The following CRADD variants were observed in gnomAD, a reference collection of about 807,000 sequenced individuals.
CRADD encodes the protein death domain-containing protein CRADD.
A neutral mutation model predicts 15.5 loss-of-function variants in CRADD; 9 were observed. The ratio of observed to expected loss-of-function variants is 0.58; its 90% CI spans 0.35 to 1.01. The LOEUF (loss-of-function observed/expected upper bound fraction) is 1.01, where lower values mean the gene tolerates loss of function less well. Among genes scored for constraint, CRADD ranks in the 50% least tolerant of loss-of-function variants. The pLI is 0.02. For synonymous variants in CRADD, 118 were observed against 107.6 expected, an observed-to-expected ratio of 1.10 and a Z score of -0.60; for missense variants, 227 against 250.3, an observed-to-expected ratio of 0.91 and a Z score of 0.63.
chr12:93,875,279 C>A (rs1187625043), intron 2 of CRADD, among the ~76,000 whole-genome samples: 9 of 151,722 alleles, frequency 5.9e-5, no homozygotes, highest in Non-Finnish European at 1.2e-4. Context: ...TATTTTCAGT[C>A]TATGTGTGTC....
intron 2 of CRADD, among the ~76,000 whole-genome samples, chr12:93,697,387 C>A (rs549045740): frequency 3.9e-5 from 6 of 152,190 alleles, no homozygotes; most frequent in Non-Finnish European, 8.8e-5. Context: ...AGCAAGACTG[C>A]CCTCACCAGA....
chr12:93,869,262 G>A (rs1453983961), intron 2 of CRADD, among the ~76,000 whole-genome samples: 1 of 152,124 alleles, frequency 6.6e-6, no homozygotes, highest in East Asian at 1.9e-4. Context: ...CAGGATTAAG[G>A]TTATCCACAA....
chr12:93,833,492 C>G (rs1245623102), intron 2 of CRADD, among the ~76,000 whole-genome samples: 1 of 152,082 alleles, frequency 6.6e-6, no homozygotes, highest in Non-Finnish European at 1.5e-5. Flanking sequence ...GCATGCACTA[C>G]CATGCCTGGC....
intron 2 of CRADD, among the ~76,000 whole-genome samples, chr12:93,817,190 T>C (rs1167607754): frequency 6.6e-6 from 1 of 152,002 alleles, no homozygotes; most frequent in Non-Finnish European, 1.5e-5. Flanking sequence ...TGGAAGGAGG[T>C]CCATCGGAGA....
intron 2 of CRADD, among the ~76,000 whole-genome samples, chr12:93,778,641 A>G (rs138020945): frequency 2.6e-4 from 40 of 152,104 alleles, no homozygotes; most frequent in African/African-American, 9.2e-4. Context: ...CTGCAAGACA[A>G]TCTAAGTTGC....
At chr12:93,884,222 CACCATCCAAT>C (rs1172711203) in intron 2 of CRADD, among the ~76,000 whole-genome samples, 2 of 152,170 alleles carry the variant, frequency 1.3e-5, no homozygotes, top group African/African-American at 2.4e-5. Flanking sequence ...TTAATTGAGC[CACCATCCAAT>C]AACCTCCATT....
intron 2 of CRADD, among the ~76,000 whole-genome samples, chr12:93,760,290 A>T (rs1428067268): frequency 6.6e-6 from 1 of 152,104 alleles, no homozygotes; most frequent in East Asian, 1.9e-4. Context: ...TTGTGGGGAG[A>T]GTGTGTGTGA....
chr12:93,843,544 TA>T (rs1308679315), intron 2 of CRADD, among the ~76,000 whole-genome samples: 5 of 151,440 alleles, frequency 3.3e-5, no homozygotes, highest in African/African-American at 1.2e-4. Context: ...CAAGCCCAGC[TA>T]ATTTTTGTAT....
At chr12:93,852,836 AGTGT>A (rs58175344), downstream of CRADD, among the ~76,000 whole-genome samples, 7,589 of 149,538 alleles carry the variant, frequency 0.051, 238 homozygotes, top group African/African-American at 0.077. Context: ...GTTGGGTTGG[AGTGT>A]GTGTGTGTGT....
intron 2 of CRADD, among the ~76,000 whole-genome samples, chr12:93,743,079 A>G (rs956545451): frequency 1.3e-5 from 2 of 152,214 alleles, no homozygotes; most frequent in African/African-American, 4.8e-5. Flanking sequence ...TGCTATGACA[A>G]TTGTCCTGCA....
At chr12:93,697,911 G>A (rs1955749860) in intron 2 of CRADD, among the ~76,000 whole-genome samples, 1 of 152,148 alleles carries the variant, frequency 6.6e-6, no homozygotes, top group Non-Finnish European at 1.5e-5. Context: ...AAAAGAATAT[G>A]AGCTCTAATG....
chr12:93,826,516 A>G (rs1957826001), intron 2 of CRADD, among the ~76,000 whole-genome samples: 1 of 152,190 alleles, frequency 6.6e-6, no homozygotes, highest in Non-Finnish European at 1.5e-5. Context: ...TACATTTTCA[A>G]AGCTATATCC....
intron 2 of CRADD, among the ~76,000 whole-genome samples, chr12:93,833,594 C>A (rs34855840): frequency 5.3e-4 from 80 of 152,284 alleles, no homozygotes; most frequent in Middle Eastern, 3.4e-3. Context: ...GACCCTCCCC[C>A]CTTGGCCTTC....
chr12:93,808,878 T>A (rs1369250146), intron 2 of CRADD, among the ~76,000 whole-genome samples: 1 of 151,634 alleles, frequency 6.6e-6, no homozygotes. Flanking sequence ...TTGTGAAGGC[T>A]TCTTTTTATT....
At chr12:93,782,966 C>T (rs1957228550) in intron 2 of CRADD, among the ~76,000 whole-genome samples, 1 of 152,062 alleles carries the variant, frequency 6.6e-6, no homozygotes, top group Non-Finnish European at 1.5e-5. Flanking sequence ...GGGTTCTTTA[C>T]ACTTTCCTCT....
intron 2 of CRADD, among the ~76,000 whole-genome samples, chr12:93,785,405 G>A (rs77205164): frequency 6.6e-6 from 1 of 152,122 alleles, no homozygotes; most frequent in Non-Finnish European, 1.5e-5. Flanking sequence ...ACTGGTATGT[G>A]TGACCTATGA....
intron 2 of CRADD, among the ~76,000 whole-genome samples, chr12:93,729,608 A>C (rs1359660740): frequency 1.3e-5 from 2 of 152,036 alleles, no homozygotes; most frequent in Non-Finnish European, 2.9e-5. Flanking sequence ...CAACATGGAG[A>C]AACCCCATCT....
chr12:93,852,592 A>G (rs1000632143), downstream of CRADD, among the ~76,000 whole-genome samples: 3 of 152,184 alleles, frequency 2.0e-5, no homozygotes, highest in Non-Finnish European at 2.9e-5. Flanking sequence ...CTGAATCCCT[A>G]TCTTGGTACT....
chr12:93,783,199 A>G (rs886602781), intron 2 of CRADD, among the ~76,000 whole-genome samples: 10 of 150,544 alleles, frequency 6.6e-5, no homozygotes, highest in African/African-American at 2.4e-4. Context: ...CTGTCCTGGT[A>G]CCATCAGCCT....
Sources: gnomAD v4.1 joint callset for allele counts (sites outside exome capture counted in the v4.1 genomes callset) on GRCh38, gnomAD v4.1.1 for gene constraint, MANE v1.5 for transcripts, NCBI Gene and HGNC (gene_info 2026-07-23, HGNC 2026-07-21) for gene names.